KRTAP5-4: variants seen among roughly 807,000 people sequenced by gnomAD.
KRTAP5-4 encodes keratin associated protein 5-4.
In KRTAP5-4, 1 loss-of-function variant was observed where a neutral mutation model predicts 2.6. The observed-to-expected ratio is 0.39, with a 90% CI of 0.14 to 1.85. The LOEUF is 1.85. KRTAP5-4 is among the 40% of genes most tolerant of loss of function. The pLI is 0.32. For missense variants in KRTAP5-4, 195 were observed against 276.9 expected, an observed-to-expected ratio of 0.70 and a Z score of 2.10; for synonymous variants, 83 against 113.1, an observed-to-expected ratio of 0.73 and a Z score of 1.69.
chr11:1,621,873 C>T lies in KRTAP5-4; in HGVS notation c.221G>A (p.Cys74Tyr), dbSNP rs1394477977. The T allele has an allele frequency of 6.3e-7, 1 of 1,587,620 alleles. No individual in the cohort carries two copies. The highest frequency in any genetic ancestry group is 8.6e-7 in the Non-Finnish European group (1 of 1,166,402). Residue 74 changes from cysteine to tyrosine, a missense_variant, in exon 1 of 1, where the codon TGT becomes TAT. Cys to Tyr is a radical substitution (Grantham distance 194). Coordinates refer to ENST00000399682, the MANE Select transcript of KRTAP5-4 (RefSeq NM_001347674.1). ...PACSCSSCGS[C>Y]GGSKGGYGSC... is the part of the protein sequence containing the mutation. ...GCCATAGCCCCCCTTGGAGCCCCCA[C>T]AGGAGCCACAGCTGGAGCAGGAACA...
Position 1,621,767 on chromosome 11 carries a change from C to A in KRTAP5-4, c.327G>T (p.Gly109=). ...TGGAACCCCCACAGGAGCCACAGCC[C>A]CCCTTGGAGCCCCCACAGGAGCCAC... The part of the protein sequence containing the change: ...GGCGSCGGSK[G]GCGSCGGSKG... Residue 109 remains glycine, a synonymous_variant, in exon 1 of 1, where the codon GGG becomes GGT. Coordinates refer to ENST00000399682, the MANE Select transcript of KRTAP5-4 (RefSeq NM_001347674.1). 1.4e-6 allele frequency: 2 copies of A among 1,418,874 alleles called. No individual in the cohort carries two copies. Among genetic ancestry groups the A allele is most frequent in the Non-Finnish European group, 1.9e-6 (2 of 1,065,158 alleles). The allele number at this position is 1,418,874 out of a possible 1,614,324, so 87.9% of individuals were successfully genotyped here.
rs569913211 is a variant in KRTAP5-4, at chr11:1,621,237, A to G, written c.*170T>C. Reference sequence around the variant, plus strand: ...GGGAGAGAATTTGTTAGGAGAGACAATGGACATTAATTAGGGTGGACTCTT... The same window carrying G: ...GGGAGAGAATTTGTTAGGAGAGACAGTGGACATTAATTAGGGTGGACTCTT... On this transcript the variant is annotated 3_prime_UTR_variant, in exon 1 of 1. Coordinates refer to ENST00000399682, the MANE Select transcript of KRTAP5-4 (RefSeq NM_001347674.1). 8.8e-5 allele frequency: 115 copies of G among 1,299,940 alleles called. No individual in the cohort carries two copies. In the African/African-American group the frequency reaches 1.6e-3, roughly 18 times the overall value. 80.5% of individuals were successfully genotyped at this position (1,299,940 alleles called of 1,614,324 possible).
rs1180843002 is a variant in KRTAP5-4 at position 1,621,050 on chromosome 11, T to TCTTAAAC, written c.*350_*356dup. 3.6e-6 allele frequency: 1 copy of TCTTAAAC among 275,714 alleles called. No homozygotes were observed. Among genetic ancestry groups the TCTTAAAC allele is most frequent in the Admixed American group, 4.9e-5 (1 of 20,452 alleles). 17.1% of individuals were successfully genotyped at this position (275,714 alleles called of 1,614,324 possible). The stretch of plus-strand genomic sequence containing the variant: ...CATGCAAAGCCACTCCAAGGAAGCC[T>TCTTAAAC]CTTAAACGCCCACCTTGTTGCAGGT... On this transcript the variant is annotated 3_prime_UTR_variant, in exon 1 of 1. Transcript: ENST00000399682.
chr11:1,621,757 A>G lies in KRTAP5-4; in HGVS notation c.337T>C (p.Ser113Pro). Residue 113 changes from serine (S) to proline (P), a missense_variant, in exon 1 of 1, where the codon TCC (serine) becomes CCC (proline). Transcript: ENST00000399682. ...CAGCCCCCCTTGGAACCCCCACAGG[A>G]GCCACAGCCCCCCTTGGAGCCCCCA... ...SCGGSKGGCG[S>P]CGGSKGGCGS... 1 of 1,428,210 alleles carries G rather than the reference A, an allele frequency of 7.0e-7. No individual in the cohort carries two copies. Among genetic ancestry groups the G allele is most frequent in the Middle Eastern group, 2.7e-4 (1 of 3,712 alleles). The allele number at this position is 1,428,210 out of a possible 1,614,324, so 88.5% of individuals were successfully genotyped here. A position where few individuals can be genotyped will look rare whatever the true frequency, so the allele number is the denominator to read the frequency against.
Position 1,622,031 on chromosome 11 carries a change from A to G in KRTAP5-4, c.63T>C (p.Cys21=), listed in dbSNP as rs1379848530. The change falls in exon 1 of 1, where the codon TGT becomes TGC. Residue 21 remains cysteine (C), a synonymous_variant. Transcript: ENST00000399682. Reference sequence around the variant, plus strand: ...CCCCACAGCCAGAGCCACAGCCCCCACAGCCGGAGCCACAGCCCCCACAGC... The same window carrying G: ...CCCCACAGCCAGAGCCACAGCCCCCGCAGCCGGAGCCACAGCCCCCACAGC... ...GSGCGGCGSG[C]GGCGSGCGGC... is the part of the protein sequence containing the mutation. The G allele has an allele frequency of 6.4e-6, 8 of 1,245,014 alleles. No individual in the cohort carries two copies. In the Admixed American group the frequency reaches 1.3e-4, roughly 20 times the overall value. The allele number at this position is 1,245,014 out of a possible 1,614,324, so 77.1% of individuals were successfully genotyped here.
chr11:1,621,250 A>G lies in KRTAP5-4; in HGVS notation c.*157T>C. The stretch of plus-strand genomic sequence containing the variant: ...TTAGGAGAGACAATGGACATTAATT[A>G]GGGTGGACTCTTCTTAGGAAAAGGC... On this transcript the variant is annotated 3_prime_UTR_variant, in exon 1 of 1. Coordinates refer to ENST00000399682, the MANE Select transcript of KRTAP5-4 (RefSeq NM_001347674.1). The G allele has an allele frequency of 7.3e-7, 1 of 1,376,076 alleles. No individual in the cohort carries two copies. 85.2% of individuals were successfully genotyped at this position (1,376,076 alleles called of 1,614,324 possible). A position where few individuals can be genotyped will look rare whatever the true frequency, so the allele number is the denominator to read the frequency against.
At position 1,621,864 on chromosome 11, in the gene KRTAP5-4, G is replaced by C; in HGVS notation, c.230C>G (p.Ser77Cys). The C allele has an allele frequency of 6.3e-7, 1 of 1,588,006 alleles. No individual in the cohort carries two copies. Among genetic ancestry groups the C allele is most frequent in the African/African-American group, 1.5e-5 (1 of 67,642 alleles). Residue 77 changes from serine to cysteine, a missense_variant, in exon 1 of 1, where the codon TCC becomes TGC. Transcript: ENST00000399682. ...CCCACAAGAGCCATAGCCCCCCTTG[G>C]AGCCCCCACAGGAGCCACAGCTGGA... The part of the protein sequence containing the change: ...SCSSCGSCGG[S>C]KGGYGSCGGS...
In KRTAP5-4 at chr11:1,621,618, C is replaced by A; in HGVS notation, c.476G>T (p.Ser159Ile). 6.2e-7 allele frequency: 1 copy of A among 1,606,412 alleles called. No homozygotes were observed. The highest frequency in any genetic ancestry group is 8.5e-7 in the Non-Finnish European group (1 of 1,174,972). ...SGCGSSCCQS[S>I]CCKPCCSSSG... ...GGAGGAGCAGCAGGGCTTACAGCAG[C>A]TGGACTGGCAGCAGGATGACCCACA... is the stretch of plus-strand genomic sequence containing the variant. The change falls in exon 1 of 1, where the codon AGC becomes ATC. Residue 159 changes from serine (S) to isoleucine (I), a missense_variant. By Grantham distance (142) the Ser-to-Ile change is moderately radical. Transcript: ENST00000399682.
Position 1,621,111 on chromosome 11 carries a change from A to G in KRTAP5-4, c.*296T>C, listed in dbSNP as rs1369224958. ...TGCCCAGCTGCTCCAGCTGGAAAAG[A>G]CAGGACTGCAAGTGGGTTCAGGAGC... is the stretch of plus-strand genomic sequence containing the variant. On this transcript the variant is annotated 3_prime_UTR_variant, in exon 1 of 1. Transcript: ENST00000399682. The G allele has an allele frequency of 8.2e-5, 40 of 487,706 alleles. No individual in the cohort carries two copies. The highest frequency in any genetic ancestry group is 7.8e-5 in the Non-Finnish European group (21 of 268,356). The allele number at this position is 487,706 out of a possible 1,614,324, so 30.2% of individuals were successfully genotyped here. A position where few individuals can be genotyped will look rare whatever the true frequency, so the allele number is the denominator to read the frequency against.
At position 1,621,339 on chromosome 11, in the gene KRTAP5-4, A is replaced by T. The variant is rs1391516997; in HGVS notation, c.*68T>A. The T allele has an allele frequency of 5.0e-6, 8 of 1,597,838 alleles. No individual in the cohort carries two copies. The highest frequency in any genetic ancestry group is 6.8e-6 in the Non-Finnish European group (8 of 1,170,368). On this transcript the variant is annotated 3_prime_UTR_variant, in exon 1 of 1. Coordinates refer to ENST00000399682, the MANE Select transcript of KRTAP5-4 (RefSeq NM_001347674.1). ...CTGAGCAATGATTTGGGGCTCAACA[A>T]TGAAGGACAGGTCACAGCTTTGGAA...
rs1353629493 is a variant in KRTAP5-4, at chr11:1,622,098, C to G, written c.-5G>C. 6.2e-7 allele frequency: 1 copy of G among 1,611,724 alleles called. No homozygotes were observed. Among genetic ancestry groups the G allele is most frequent in the South Asian group, 1.1e-5 (1 of 90,806 alleles). On this transcript the variant is annotated 5_prime_UTR_variant, in exon 1 of 1. Coordinates refer to ENST00000399682, the MANE Select transcript of KRTAP5-4 (RefSeq NM_001347674.1). ...AGAGCAGCCACAGCAGCCCATGGTT[C>G]TGGTGGATTGAGGGTGGAGCAGGTA...
In KRTAP5-4 at chr11:1,621,281, G is replaced by A. The variant is rs892043660; in HGVS notation, c.*126C>T. On this transcript the variant is annotated 3_prime_UTR_variant, in exon 1 of 1. Transcript: ENST00000399682. ...GACTCTTCTTAGGAAAAGGCAGCCA[G>A]ATATGGCATCGTTCTACAGCAGGGA... 3 of 1,529,692 alleles carry A rather than the reference G, an allele frequency of 2.0e-6. No individual in the cohort carries two copies. The African/African-American group carries it at 4.1e-5, about 21-fold the overall frequency. 94.8% of individuals were successfully genotyped at this position (1,529,692 alleles called of 1,614,324 possible). A position where few individuals can be genotyped will look rare whatever the true frequency, so the allele number is the denominator to read the frequency against.
In KRTAP5-4 at chr11:1,621,569, G is replaced by C; in HGVS notation, c.525C>G (p.Cys175Trp). 1 of 1,613,928 alleles carries C rather than the reference G, an allele frequency of 6.2e-7. No individual in the cohort carries two copies. Among genetic ancestry groups the C allele is most frequent in the South Asian group, 1.1e-5 (1 of 91,074 alleles). The part of the protein sequence containing the change: ...CSSSGCGSSC[C>W]QSSCCKPYCC... ...AGTAGGGCTTGCAGCAGCTGGACTG[G>C]CAGCAGGATGACCCACAACCTGAGG... is the stretch of plus-strand genomic sequence containing the variant. The change falls in exon 1 of 1, where the codon TGC (cysteine) becomes TGG (tryptophan). Residue 175 changes from cysteine to tryptophan, a missense_variant. Coordinates refer to ENST00000399682, the MANE Select transcript of KRTAP5-4 (RefSeq NM_001347674.1).
At position 1,621,944 on chromosome 11, in the gene KRTAP5-4, A is replaced by G. The variant is rs767551662; in HGVS notation, c.150T>C (p.Cys50=). The G allele has an allele frequency of 1.3e-5, 20 of 1,586,412 alleles. No homozygotes were observed. The African/African-American group carries it at 2.4e-4, about 19-fold the overall frequency. ...SGCGGCGSSC[C]VPICCCKPVC... The stretch of plus-strand genomic sequence containing the variant: ...CAGGTTTGCAGCAGCAGATGGGCAC[A>G]CAGCAGCTGGAGCCACAGCCCCCAC... Residue 50 remains cysteine, a synonymous_variant, in exon 1 of 1, where the codon TGT becomes TGC. Coordinates refer to ENST00000399682, the MANE Select transcript of KRTAP5-4 (RefSeq NM_001347674.1).
chr11:1,622,111 G>A lies in KRTAP5-4; in HGVS notation c.-18C>T, dbSNP rs778172784. On this transcript the variant is annotated 5_prime_UTR_variant, in exon 1 of 1. Transcript: ENST00000399682. ...CAGCCCATGGTTCTGGTGGATTGAG[G>A]GTGGAGCAGGTAGAGGAGCAGATGA... 6 of 1,610,156 alleles carry A rather than the reference G, an allele frequency of 3.7e-6. No homozygotes were observed. Among genetic ancestry groups the A allele is most frequent in the Admixed American group, 3.3e-5 (2 of 59,938 alleles).
chr11:1,621,716 GC>G lies in KRTAP5-4; in HGVS notation c.377del (p.Gly126AlafsTer112), dbSNP rs1849603329. The G allele has an allele frequency of 6.2e-7, 1 of 1,606,274 alleles. No individual in the cohort carries two copies. The highest frequency in any genetic ancestry group is 2.3e-5 in the East Asian group (1 of 44,420). On this transcript the variant is annotated frameshift_variant, in exon 1 of 1. Coordinates refer to ENST00000399682, the MANE Select transcript of KRTAP5-4 (RefSeq NM_001347674.1). LOFTEE classifies it low-confidence loss of function (END_TRUNC). ...CACAAGAGCCACAGCCTCCTTTGGA[GC>G]CCCCACAGGAGCCACAGCCCCCCTT... ...GSKGGCGSCG[G>X]SKGGCGSCGC... is the part of the protein sequence containing the mutation.
In KRTAP5-4 at chr11:1,621,239, G is replaced by T; in HGVS notation, c.*168C>A. On this transcript the variant is annotated 3_prime_UTR_variant, in exon 1 of 1. Transcript: ENST00000399682. ...GAGAGAATTTGTTAGGAGAGACAAT[G>T]GACATTAATTAGGGTGGACTCTTCT... 1 of 1,308,562 alleles carries T rather than the reference G, an allele frequency of 7.6e-7. No homozygotes were observed. The highest frequency in any genetic ancestry group is 1.0e-6 in the Non-Finnish European group (1 of 964,012). The allele number at this position is 1,308,562 out of a possible 1,614,324, so 81.1% of individuals were successfully genotyped here.
chr11:1,621,818 G>T lies in KRTAP5-4; in HGVS notation c.276C>A (p.Val92=), dbSNP rs751856961. ...GSCGGSKGGC[V]SCGGSKGGCG... is the part of the protein sequence containing the mutation. The stretch of plus-strand genomic sequence containing the variant: ...AGCCCCCCTTGGAACCCCCACAGGA[G>T]ACACAGCCCCCCTTGGAACCCCCAC... The change falls in exon 1 of 1, where the codon GTC becomes GTA. Residue 92 remains valine, a synonymous_variant. Coordinates refer to ENST00000399682, the MANE Select transcript of KRTAP5-4 (RefSeq NM_001347674.1). 1 of 1,526,696 alleles carries T rather than the reference G, an allele frequency of 6.6e-7. No individual in the cohort carries two copies. The highest frequency in any genetic ancestry group is 8.8e-7 in the Non-Finnish European group (1 of 1,134,706). 94.6% of individuals were successfully genotyped at this position (1,526,696 alleles called of 1,614,324 possible). A position where few individuals can be genotyped will look rare whatever the true frequency, so the allele number is the denominator to read the frequency against.
chr11:1,622,030 C>G lies in KRTAP5-4; in HGVS notation c.64G>C (p.Gly22Arg). The change falls in exon 1 of 1, where the codon GGG (glycine) becomes CGG (arginine). Residue 22 changes from glycine to arginine, a missense_variant. Physicochemically the swap from Gly to Arg is moderately radical, Grantham distance 125 (BLOSUM62 -2). Transcript: ENST00000399682. Reference sequence around the variant, plus strand: ...CCCCCACAGCCAGAGCCACAGCCCCCACAGCCGGAGCCACAGCCCCCACAG... The same window carrying G: ...CCCCCACAGCCAGAGCCACAGCCCCGACAGCCGGAGCCACAGCCCCCACAG... ...SGCGGCGSGC[G>R]GCGSGCGGCG... 2.9e-6 allele frequency: 4 copies of G among 1,357,626 alleles called. No homozygotes were observed. Among genetic ancestry groups the G allele is most frequent in the Non-Finnish European group, 4.0e-6 (4 of 993,562 alleles). The allele number at this position is 1,357,626 out of a possible 1,614,324, so 84.1% of individuals were successfully genotyped here.
Sources: allele counts gnomAD v4.1 joint callset, GRCh38; gene constraint gnomAD v4.1.1; transcripts MANE v1.5; gene names NCBI Gene and HGNC (gene_info 2026-07-23, HGNC 2026-07-21).